Variants in SIL1 observed in about 807,000 individuals in gnomAD.
SIL1 encodes SIL1 nucleotide exchange factor.
SIL1 carries 40 observed loss-of-function variants against 49.1 expected under a neutral mutation model. The ratio of observed to expected loss-of-function variants is 0.81; its 90% CI spans 0.63 to 1.06. The LOEUF is 1.06. SIL1 is among the 50% of genes least tolerant of loss of function. The pLI, the probability that SIL1 is intolerant of heterozygous loss-of-function variation, is 0.00. For synonymous variants in SIL1, 253 were observed against 250.8 expected (o/e 1.01, Z -0.08); for missense variants, 500 against 572.6 (o/e 0.87, Z 1.29).
chr5:139,001,569 G>C (rs1265453805), intron 7 of SIL1, among the ~76,000 whole-genome samples: 2 of 152,184 alleles, frequency 1.3e-5, no homozygotes, highest in African/African-American at 4.8e-5. Context: ...GTATGTGGTA[G>C]GGGGGATACA....
At chr5:139,086,000 C>T (rs527694148) in intron 3 of SIL1, among the ~76,000 whole-genome samples, 74 of 151,838 alleles carry the variant, frequency 4.9e-4, no homozygotes, top group Non-Finnish European at 8.1e-4. Flanking sequence ...TGGTGGTTCA[C>T]ATCTGTAATC....
At chr5:139,034,122 T>C (rs998202082) in intron 5 of SIL1, among the ~76,000 whole-genome samples, 4 of 152,192 alleles carry the variant, frequency 2.6e-5, no homozygotes, top group African/African-American at 9.6e-5. Flanking sequence ...ACTTTGATAT[T>C]AATATAGTAA....
chr5:139,037,739 A>T (rs959924918), intron 5 of SIL1, among the ~76,000 whole-genome samples: 1 of 152,130 alleles, frequency 6.6e-6, no homozygotes, highest in African/African-American at 2.4e-5. Flanking sequence ...CTTTGCTTCA[A>T]GGGTGCTCAT....
At chr5:138,954,731 G>GGGCT (rs1766863636) in intron 7 of SIL1, among the ~76,000 whole-genome samples, 3 of 152,244 alleles carry the variant, frequency 2.0e-5, no homozygotes, top group Non-Finnish European at 4.4e-5. Flanking sequence ...GGGGCTGGGG[G>GGGCT]AGGCAACTAC....
At chr5:139,089,308 CT>C (rs1770291737) in intron 3 of SIL1, among the ~76,000 whole-genome samples, 1 of 152,186 alleles carries the variant, frequency 6.6e-6, no homozygotes, top group South Asian at 2.1e-4. Context: ...GATTCTTACC[CT>C]TCCCTTGAAC....
intron 7 of SIL1, among the ~76,000 whole-genome samples, chr5:138,967,263 C>A (rs866319221): frequency 6.6e-6 from 1 of 152,332 alleles, no homozygotes; most frequent in Middle Eastern, 3.4e-3. Flanking sequence ...GTTAGAAATG[C>A]AAATTCTCAA....
At chr5:139,155,477 G>GAGAGA (rs765537884) in intron 1 of SIL1, 2 of 151,554 alleles carry the variant, frequency 1.3e-5, no homozygotes, top group Non-Finnish European at 3.0e-5. Context: ...GAGAGAGAGA[G>GAGAGA]AACGAGCTCT....
chr5:139,015,611 C>T (rs1768381209), intron 7 of SIL1, among the ~76,000 whole-genome samples: 1 of 152,170 alleles, frequency 6.6e-6, no homozygotes, highest in South Asian at 2.1e-4. Flanking sequence ...TGTTCTTGTG[C>T]TTCTCACCTC....
chr5:139,054,064 T>C (rs1769351154), intron 3 of SIL1, among the ~76,000 whole-genome samples: 2 of 152,174 alleles, frequency 1.3e-5, no homozygotes, highest in African/African-American at 4.8e-5. Context: ...GGGGATCACC[T>C]GAGCCCAGGA....
chr5:139,132,896 C>A (rs2151798183), intron 1 of SIL1, among the ~76,000 whole-genome samples: 1 of 152,282 alleles, frequency 6.6e-6, no homozygotes, highest in Middle Eastern at 3.4e-3. Context: ...ACAGAGGCAG[C>A]AGCAGTGGCA....
At chr5:138,951,411 G>C (rs962852018) in intron 8 of SIL1, 76 bp from the exon 9 acceptor site, 4 of 1,469,950 alleles carry the variant, frequency 2.7e-6, no homozygotes, top group Non-Finnish European at 3.7e-6. Flanking sequence ...AAGGCAGGCA[G>C]AGGTGCCCCA....
At chr5:139,048,857 G>A (rs1769227626) in intron 4 of SIL1, among the ~76,000 whole-genome samples, 1 of 152,240 alleles carries the variant, frequency 6.6e-6, no homozygotes. Flanking sequence ...ATGGTTGTTA[G>A]AAAGGAGTAA....
At chr5:139,087,970 C>A (rs2151774602) in intron 3 of SIL1, among the ~76,000 whole-genome samples, 1 of 152,330 alleles carries the variant, frequency 6.6e-6, no homozygotes, top group East Asian at 1.9e-4. Flanking sequence ...TCCAAACCAG[C>A]CAAGGCAGCT....
chr5:139,020,279 T>C (rs1204015830), intron 7 of SIL1, among the ~76,000 whole-genome samples: 1 of 152,210 alleles, frequency 6.6e-6, no homozygotes. Flanking sequence ...TGAATGCCTT[T>C]CAGAGTGAGA....
intron 7 of SIL1, chr5:139,016,966 C>G (rs1304344613): frequency 6.6e-6 from 1 of 152,166 alleles, no homozygotes; most frequent in African/African-American, 2.4e-5. Flanking sequence ...CCCACTTCAG[C>G]CTCTCGAGTA....
intron 3 of SIL1, among the ~76,000 whole-genome samples, chr5:139,083,293 T>G (rs947685081): frequency 6.6e-6 from 1 of 152,224 alleles, no homozygotes; most frequent in Non-Finnish European, 1.5e-5. Context: ...AACATTATTT[T>G]TAAAAAATCA....
chr5:138,959,668 C>T (rs1458730207), intron 7 of SIL1, among the ~76,000 whole-genome samples: 4 of 152,228 alleles, frequency 2.6e-5, no homozygotes, highest in Non-Finnish European at 5.9e-5. Flanking sequence ...TCTTGAAACT[C>T]TCCACTTTCC....
At chr5:138,986,693 C>A (rs1014084280) in intron 7 of SIL1, among the ~76,000 whole-genome samples, 1 of 152,142 alleles carries the variant, frequency 6.6e-6, no homozygotes, top group African/African-American at 2.4e-5. Context: ...TTGCCTCCTT[C>A]GGGGACTAAT....
intron 1 of SIL1, among the ~76,000 whole-genome samples, chr5:139,154,159 T>C (rs574054338): frequency 6.6e-6 from 1 of 152,248 alleles, no homozygotes; most frequent in Non-Finnish European, 1.5e-5. Context: ...TTATAAGACA[T>C]CTGCATTTAC....
Sources: gnomAD v4.1 joint callset for allele counts (sites outside exome capture counted in the v4.1 genomes callset) on GRCh38, gnomAD v4.1.1 for gene constraint, MANE v1.5 for transcripts, NCBI Gene and HGNC (gene_info 2026-07-23, HGNC 2026-07-21) for gene names.